POT1: variants seen among roughly 807,000 people sequenced by gnomAD.
POT1 encodes protection of telomeres protein 1.
In POT1, 47 loss-of-function variants were observed where a neutral mutation model predicts 78.5. The observed-to-expected ratio is 0.60, with a 90% confidence interval of 0.47 to 0.76. The LOEUF is 0.76. POT1 is among the 30% of genes least tolerant of loss of function. The probability of loss-of-function intolerance (pLI) is 0.00; values close to 1 mark genes in which losing one functional copy is unlikely to be tolerated. For missense variants in POT1, 646 were observed against 749.9 expected (o/e 0.86, Z 1.62); for synonymous variants, 259 against 260.7 (o/e 0.99, Z 0.06).
chr7:124,897,241 G>A, intron 4 of POT1, 29 bp from the exon 5 acceptor site: 1 of 1,066,244 alleles, frequency 9.4e-7, no homozygotes, highest in Non-Finnish European at 1.4e-6. Flanking sequence ...GAACTTATTT[G>A]TATACAGATA....
rs2074153666 is a variant in POT1, at chr7:124,824,196, A to C, written c.1793-122T>G. 10 of 591,760 alleles carry C rather than the reference A, an allele frequency of 1.7e-5. No individual in the cohort carries two copies. The South Asian group carries it at 2.0e-4, about 12-fold the overall frequency. 36.7% of individuals were successfully genotyped at this position (591,760 alleles called of 1,614,324 possible). On this transcript the variant is annotated intron_variant, in intron 18 of 18. Transcript: ENST00000357628. ...AACATTTATTTTGGCTTGAAAAGTA[A>C]GTAAACGTCCCTTCCAAATTTAACA...
intron 3 of POT1, among the ~76,000 whole-genome samples, chr7:124,912,028 G>C (rs1348900645): frequency 2.0e-5 from 3 of 152,136 alleles, no homozygotes; most frequent in Non-Finnish European, 4.4e-5. Context: ...AAGAAAAGCA[G>C]AGATTAGAAG....
At chr7:124,857,486 A>AC (rs1795474035) in intron 9 of POT1, among the ~76,000 whole-genome samples, 1 of 152,008 alleles carries the variant, frequency 6.6e-6, no homozygotes, top group South Asian at 2.1e-4. Context: ...TCCATGGCCC[A>AC]CCCCACCTGA....
At chr7:124,867,236 T>C (rs7806890) in intron 7 of POT1, among the ~76,000 whole-genome samples, 48,519 of 152,048 alleles carry the variant, frequency 0.32, 7,762 homozygotes, top group South Asian at 0.4. Flanking sequence ...AAAACTGAAA[T>C]AGCCTTCTAA....
In POT1 at chr7:124,829,307, T is replaced by C; in HGVS notation, c.1541A>G (p.Asn514Ser). The C allele has an allele frequency of 6.2e-7, 1 of 1,602,854 alleles. No homozygotes were observed. The highest frequency in any genetic ancestry group is 8.5e-7 in the Non-Finnish European group (1 of 1,169,946). The stretch of plus-strand genomic sequence containing the variant: ...TGTTTTATCAACCAGGGAATTTAGA[T>C]TTTGTATGGATCTCAAACTAGAACA... ...KQCSSLRSIQ[N>S]LNSLVDKTSW... The change falls in exon 16 of 19, where the codon AAT (asparagine) becomes AGT (serine). Residue 514 changes from asparagine (N) to serine (S), a missense_variant. By Grantham distance (46) the Asn-to-Ser change is conservative. Around this residue, in one of 2 missense-constraint regions of POT1, gnomAD observed 394 missense variants for 408.4 expected, o/e 0.96. Coordinates refer to ENST00000357628, the MANE Select transcript of POT1 (RefSeq NM_015450.3).
At chr7:124,870,015 A>G (rs142898338) in intron 7 of POT1, among the ~76,000 whole-genome samples, 3 of 152,304 alleles carry the variant, frequency 2.0e-5, no homozygotes, top group African/African-American at 4.8e-5. Flanking sequence ...CTCGTTTATG[A>G]GCAGCAGACT....
intron 6 of POT1, among the ~76,000 whole-genome samples, chr7:124,884,172 TAATC>T (rs1312835965): frequency 6.6e-6 from 1 of 151,972 alleles, no homozygotes; most frequent in Admixed American, 6.6e-5. Flanking sequence ...GATGTGAAAA[TAATC>T]AATATTACAT....
At chr7:124,862,603 G>C (rs754769785) in intron 8 of POT1, among the ~76,000 whole-genome samples, 19 of 152,132 alleles carry the variant, frequency 1.2e-4, no homozygotes, top group Admixed American at 5.9e-4. Flanking sequence ...TTTAATATGG[G>C]CAAGGTGTAA....
At chr7:124,828,277 T>C (rs1584748452) in intron 16 of POT1, among the ~76,000 whole-genome samples, 1 of 152,192 alleles carries the variant, frequency 6.6e-6, no homozygotes, top group African/African-American at 2.4e-5. Context: ...TCTGGTTGAA[T>C]GGACAAGAAT....
intron 6 of POT1, among the ~76,000 whole-genome samples, chr7:124,891,219 G>GTTATATT (rs2116626546): frequency 6.6e-6 from 1 of 151,714 alleles, no homozygotes; most frequent in Admixed American, 6.6e-5. Context: ...ATACATAATT[G>GTTATATT]TTATATTTTC....
intron 2 of POT1, among the ~76,000 whole-genome samples, chr7:124,924,238 G>A (rs144294001): frequency 1.2e-4 from 18 of 149,638 alleles, no homozygotes; most frequent in Non-Finnish European, 2.1e-4. Context: ...CTACCAGCTA[G>A]ACTAACCAAG....
chr7:124,832,661 G>A (rs1341576459), intron 15 of POT1, among the ~76,000 whole-genome samples: 1 of 151,708 alleles, frequency 6.6e-6, no homozygotes, highest in African/African-American at 2.4e-5. Context: ...ATAACAATAC[G>A]AAACAATCAG....
In POT1 at chr7:124,903,926, G is replaced by T. The variant is rs145842181; in HGVS notation, c.-153-5552C>A. Among the ~76,000 whole-genome samples the T allele has an allele frequency of 3.4e-3, 525 of 152,236 alleles. 19 individuals carry two copies. The East Asian group carries it at 0.068, about 20-fold the overall frequency. On this transcript the variant is annotated intron_variant, in intron 3 of 18. Coordinates refer to ENST00000357628, the MANE Select transcript of POT1 (RefSeq NM_015450.3). ...TAAACTAGAAACTCTAGAAGAAATG[G>T]ATAAATTACTAGACACACACCCTCC...
chr7:124,897,712 C>T (rs1584510693), intron 4 of POT1, among the ~76,000 whole-genome samples: 1 of 151,726 alleles, frequency 6.6e-6, no homozygotes, highest in East Asian at 1.9e-4. Flanking sequence ...GCAGAGCCAC[C>T]ACCAGTGCTT....
At chr7:124,862,897 A>C (rs980170685) in intron 8 of POT1, among the ~76,000 whole-genome samples, 8 of 152,270 alleles carry the variant, frequency 5.3e-5, no homozygotes, top group Middle Eastern at 3.4e-3. Context: ...GTAATGCAAA[A>C]TGCTTCAAAA....
intron 3 of POT1, among the ~76,000 whole-genome samples, chr7:124,911,909 T>C (rs1584523155): frequency 6.6e-6 from 1 of 152,162 alleles, no homozygotes; most frequent in East Asian, 1.9e-4. Flanking sequence ...GCAACTACTG[T>C]ATGTCATAGC....
chr7:124,846,248 C>A (rs1356144928), intron 12 of POT1, among the ~76,000 whole-genome samples: 1 of 152,008 alleles, frequency 6.6e-6, no homozygotes. Flanking sequence ...CACACAGCTA[C>A]ATCGACTTCT....
At chr7:124,925,788 C>T (rs1797258490) in intron 2 of POT1, among the ~76,000 whole-genome samples, 1 of 151,806 alleles carries the variant, frequency 6.6e-6, no homozygotes, top group Admixed American at 6.6e-5. Context: ...AATAGAGAAA[C>T]CAGAAATAAA....
intron 3 of POT1, among the ~76,000 whole-genome samples, chr7:124,910,606 A>G (rs1172162742): frequency 1.3e-5 from 2 of 152,028 alleles, no homozygotes; most frequent in Non-Finnish European, 2.9e-5. Context: ...GGTTTTTACT[A>G]TCTAATGGCT....
Sources: allele counts gnomAD v4.1 joint callset (sites outside exome capture counted in the v4.1 genomes callset), GRCh38; gene constraint gnomAD v4.1.1; regional missense constraint gnomAD v4.1.1; transcripts MANE v1.5; gene names NCBI Gene and HGNC (gene_info 2026-07-23, HGNC 2026-07-21).